CBLN3: variants seen among roughly 807,000 people sequenced by gnomAD.
CBLN3 encodes the protein cerebellin-3.
In CBLN3, 14 loss-of-function variants were observed where a neutral mutation model predicts 17.4. That is an observed-to-expected ratio of 0.81 (90% CI 0.53 to 1.26). The LOEUF (loss-of-function observed/expected upper bound fraction) is 1.26. Among genes scored for constraint, CBLN3 ranks in the 50% most tolerant of loss-of-function variants. The probability of loss-of-function intolerance (pLI) is 0.00; values close to 1 mark genes in which losing one functional copy is unlikely to be tolerated. For missense variants in CBLN3, 263 were observed against 268.5 expected, an observed-to-expected ratio of 0.98 and a Z score of 0.14; for synonymous variants, 129 against 117.4, an observed-to-expected ratio of 1.10 and a Z score of -0.64.
chr14:24,428,581 T>G (rs2043048992), intron 1 of CBLN3, among the ~76,000 whole-genome samples, 174 bp downstream of exon 1: 1 of 145,764 alleles, frequency 6.9e-6, no homozygotes, highest in African/African-American at 2.6e-5. Context: ...GGGCTGCGTA[T>G]GGGTGGAGGG....
At position 24,428,867 on chromosome 14, in the gene CBLN3, G is replaced by T; in HGVS notation, c.188C>A (p.Ala63Asp). The T allele has an allele frequency of 6.2e-7, 1 of 1,609,154 alleles. No individual in the cohort carries two copies. The highest frequency in any genetic ancestry group is 1.1e-5 in the South Asian group (1 of 90,410). Reference protein sequence around the residue: ...RAAAGGPGGAALGEAPPGRVA... With the variant: ...RAAAGGPGGADLGEAPPGRVA... ...TCGCCCAGGGGGTGCCTCTCCCAGG[G>T]CTGCTCCCCCGGGCCCCCCTGCAGC... is the stretch of plus-strand genomic sequence containing the variant. The change falls in exon 1 of 3, where the codon GCC becomes GAC. Residue 63 changes from alanine (A) to aspartate (D), a missense_variant. Ala to Asp is a moderately radical substitution (Grantham distance 126). Coordinates refer to ENST00000267406, the MANE Select transcript of CBLN3 (RefSeq NM_001039771.3).
intron 2 of CBLN3, 119 bp from the exon 3 acceptor site, chr14:24,428,105 G>A: frequency 7.5e-7 from 1 of 1,338,272 alleles, no homozygotes; most frequent in Non-Finnish European, 1.0e-6. Flanking sequence ...GAGGGCTGAG[G>A]GGCGGCCAGC....
Position 24,429,528 on chromosome 14 carries a change from C to T in CBLN3, c.-474G>A. On this transcript the variant is annotated 5_prime_UTR_variant, in exon 1 of 3. Transcript: ENST00000267406. ...AATCCCCCACAAATCAACAGCCCTT[C>T]TTCGTGGCATCTTTCCGTTTGTTGG... 6.6e-6 allele frequency: 3 copies of T among 452,324 alleles called. 1 individual carries two copies. The highest frequency in any genetic ancestry group is 5.1e-5 in the South Asian group (3 of 58,716). 28.0% of individuals were successfully genotyped at this position (452,324 alleles called of 1,614,324 possible).
Position 24,428,949 on chromosome 14 carries a change from AC to A in CBLN3, c.105del (p.Ser36GlnfsTer68). On this transcript the variant is annotated frameshift_variant, in exon 1 of 3. Coordinates refer to ENST00000267406, the MANE Select transcript of CBLN3 (RefSeq NM_001039771.3). LOFTEE classifies it high-confidence loss of function. The part of the protein sequence containing the change: ...LALGAGWAQE[G>X]SEPVLLEGEC... The stretch of plus-strand genomic sequence containing the variant: ...TCCCCCTCCAGCAGGACGGGCTCTG[AC>A]CCCTCCTGGGCCCACCCGGCCCCCA... The A allele has an allele frequency of 6.4e-7, 1 of 1,552,632 alleles. No individual in the cohort carries two copies.
rs1246783822 is a variant in CBLN3, at chr14:24,427,643, C to G, written c.*146G>C. ...GCCACAGCTCTACTCTTCTCTTAAA[C>G]TTGGGTGTTTGGCACAGGGTCCCAT... On this transcript the variant is annotated 3_prime_UTR_variant, in exon 3 of 3. Transcript: ENST00000267406. The surrounding 1 kb of genome is among the most constrained non-coding windows in gnomAD (Gnocchi z 4.4). 6.5e-6 allele frequency: 5 copies of G among 769,482 alleles called. No individual in the cohort carries two copies. Among genetic ancestry groups the G allele is most frequent in the Non-Finnish European group, 1.1e-5 (5 of 453,270 alleles). 47.7% of individuals were successfully genotyped at this position (769,482 alleles called of 1,614,324 possible). A position where few individuals can be genotyped will look rare whatever the true frequency, so the allele number is the denominator to read the frequency against.
intron 1 of CBLN3, 120 bp downstream of exon 1, chr14:24,428,635 G>A: frequency 1.6e-6 from 2 of 1,251,066 alleles, no homozygotes; most frequent in South Asian, 1.4e-5. Flanking sequence ...GGCCAGATTA[G>A]TGAAAGATGT....
rs538980272 is a variant in CBLN3 at position 24,427,522 on chromosome 14, C to T, written c.*267G>A. ...GTGCAGATCTTCCTTCTTGCCAAAC[C>T]TTGCCCTGATCCTAGGGCTGCAGGC... is the stretch of plus-strand genomic sequence containing the variant. On this transcript the variant is annotated 3_prime_UTR_variant, in exon 3 of 3. Coordinates refer to ENST00000267406, the MANE Select transcript of CBLN3 (RefSeq NM_001039771.3). The surrounding 1 kb of genome is among the most constrained non-coding windows in gnomAD (Gnocchi z 4.4). 5.5e-4 allele frequency: 260 copies of T among 470,274 alleles called. No homozygotes were observed. Among genetic ancestry groups the T allele is most frequent in the African/African-American group, 5.1e-3 (244 of 47,920 alleles). The allele number at this position is 470,274 out of a possible 1,614,324, so 29.1% of individuals were successfully genotyped here.
rs891457321 is a variant in CBLN3 at position 24,427,235 on chromosome 14, C to T, written c.*554G>A. 3.8e-5 allele frequency: 6 copies of T among 159,830 alleles called. No homozygotes were observed. The highest frequency in any genetic ancestry group is 8.2e-5 in the Non-Finnish European group (6 of 72,860). 9.9% of individuals were successfully genotyped at this position (159,830 alleles called of 1,614,324 possible). ...ACCCTCCTTCCTTCCTCACCAGCCA[C>T]AGACTCCAGGCCCTTCCCACCCTTC... On this transcript the variant is annotated 3_prime_UTR_variant, in exon 3 of 3. Transcript: ENST00000267406. The surrounding 1 kb of genome is among the most constrained non-coding windows in gnomAD (Gnocchi z 4.4).
In CBLN3 at chr14:24,427,685, G is replaced by A. The variant is rs189882134; in HGVS notation, c.*104C>T. On this transcript the variant is annotated 3_prime_UTR_variant, in exon 3 of 3. Coordinates refer to ENST00000267406, the MANE Select transcript of CBLN3 (RefSeq NM_001039771.3). The surrounding 1 kb of genome is among the most constrained non-coding windows in gnomAD (Gnocchi z 4.4). ...GGGTCCCATGCAAAGAGGTGGGATA[G>A]GAGCCAGAGGGAGTCTCTCTCCTGC... 123 of 1,036,276 alleles carry A rather than the reference G, an allele frequency of 1.2e-4. No individual in the cohort carries two copies. The highest frequency in any genetic ancestry group is 4.3e-4 in the Admixed American group (23 of 53,824). 64.2% of individuals were successfully genotyped at this position (1,036,276 alleles called of 1,614,324 possible).
Position 24,429,666 on chromosome 14 carries a change from C to CACGCT in CBLN3, c.-613_-612insAGCGT. 9.0e-7 allele frequency: 1 copy of CACGCT among 1,115,994 alleles called. No individual in the cohort carries two copies. The highest frequency in any genetic ancestry group is 1.1e-6 in the Non-Finnish European group (1 of 903,084). 69.1% of individuals were successfully genotyped at this position (1,115,994 alleles called of 1,614,324 possible). A position where few individuals can be genotyped will look rare whatever the true frequency, so the allele number is the denominator to read the frequency against. On this transcript the variant is annotated 5_prime_UTR_variant, in exon 1 of 3. Transcript: ENST00000267406. The stretch of plus-strand genomic sequence containing the variant: ...GGGCCTAGAGCACCAGTGGGCCAGT[C>CACGCT]ACGCTGCCTCTTTGGTCGGCCACAT...
chr14:24,427,540 C>A lies in CBLN3; in HGVS notation c.*249G>T. ...GCCAAACCTTGCCCTGATCCTAGGG[C>A]TGCAGGCAGGAACAGATGCAGCAGG... On this transcript the variant is annotated 3_prime_UTR_variant, in exon 3 of 3. Transcript: ENST00000267406. This position sits in a 1 kb window ranked among gnomAD's most constrained non-coding sequence, Gnocchi z 4.4. 2 of 493,810 alleles carry A rather than the reference C, an allele frequency of 4.1e-6. No homozygotes were observed. The highest frequency in any genetic ancestry group is 3.5e-6 in the Non-Finnish European group (1 of 283,278). 30.6% of individuals were successfully genotyped at this position (493,810 alleles called of 1,614,324 possible).
Position 24,429,604 on chromosome 14 carries a change from AC to A in CBLN3, c.-551del. On this transcript the variant is annotated 5_prime_UTR_variant, in exon 1 of 3. Transcript: ENST00000267406. The stretch of plus-strand genomic sequence containing the variant: ...ACCCTCCGCCTCCCGCCTCCCGCCT[AC>A]CCCCTCCGCCACGATTGCTTTGGTG... The A allele has an allele frequency of 1.1e-6, 1 of 922,290 alleles. No individual in the cohort carries two copies. Among genetic ancestry groups the A allele is most frequent in the Non-Finnish European group, 1.4e-6 (1 of 704,484 alleles). 57.1% of individuals were successfully genotyped at this position (922,290 alleles called of 1,614,324 possible).
rs1243975021 is a variant in CBLN3 at position 24,426,801 on chromosome 14, G to GA, written c.*987dup. Reference sequence around the variant, plus strand: ...TGAATCATGGAATCCCAGGTAATAGGAAGCCTAAGGAGGAGAATAAGACAG... The same window carrying GA: ...TGAATCATGGAATCCCAGGTAATAGGAAAGCCTAAGGAGGAGAATAAGACAG... On this transcript the variant is annotated 3_prime_UTR_variant, in exon 3 of 3. Coordinates refer to ENST00000267406, the MANE Select transcript of CBLN3 (RefSeq NM_001039771.3). The GA allele has an allele frequency of 6.6e-6, 1 of 152,294 alleles. No individual in the cohort carries two copies. The highest frequency in any genetic ancestry group is 2.4e-5 in the African/African-American group (1 of 41,430). 9.4% of individuals were successfully genotyped at this position (152,294 alleles called of 1,614,324 possible).
At position 24,427,874 on chromosome 14, in the gene CBLN3, C is replaced by T. The variant is rs781723932; in HGVS notation, c.533G>A (p.Arg178Gln). The T allele has an allele frequency of 8.5e-5, 137 of 1,613,994 alleles. No homozygotes were observed. The highest frequency in any genetic ancestry group is 7.8e-5 in the Non-Finnish European group (92 of 1,180,016). Residue 178 changes from arginine (R) to glutamine (Q), a missense_variant, in exon 3 of 3, where the codon CGA (arginine) becomes CAA (glutamine). Transcript: ENST00000267406. This position sits in a 1 kb window ranked among gnomAD's most constrained non-coding sequence, Gnocchi z 4.4. ...CCCCCGACGCAGGCGCAGAGACACT[C>T]GGTCCCCAGGGTCCAAGGGCAGTAG... Reference protein sequence around the residue: ...SVLLPLDPGDRVSLRLRRGNL... With the variant: ...SVLLPLDPGDQVSLRLRRGNL...
rs779417158 is a variant in CBLN3 at position 24,428,873 on chromosome 14, C to T, written c.182G>A (p.Gly61Glu). 42 of 1,603,600 alleles carry T rather than the reference C, an allele frequency of 2.6e-5. No individual in the cohort carries two copies. The Middle Eastern group carries it at 5.0e-4, about 19-fold the overall frequency. Residue 61 changes from glycine to glutamate, a missense_variant, in exon 1 of 3, where the codon GGA becomes GAA. Physicochemically the swap from Gly to Glu is moderately conservative, Grantham distance 98 (BLOSUM62 -2). Coordinates refer to ENST00000267406, the MANE Select transcript of CBLN3 (RefSeq NM_001039771.3). ...PGRAAAGGPG[G>E]AALGEAPPGR... ...AGGGGGTGCCTCTCCCAGGGCTGCT[C>T]CCCCGGGCCCCCCTGCAGCAGCTCG...
chr14:24,429,600 G>GC lies in CBLN3; in HGVS notation c.-547dup. 3 of 887,766 alleles carry GC rather than the reference G, an allele frequency of 3.4e-6. No individual in the cohort carries two copies. In the South Asian group the frequency reaches 5.0e-5, roughly 15 times the overall value. The allele number at this position is 887,766 out of a possible 1,614,324, so 55.0% of individuals were successfully genotyped here. A position where few individuals can be genotyped will look rare whatever the true frequency, so the allele number is the denominator to read the frequency against. ...GGGTACCCTCCGCCTCCCGCCTCCC[G>GC]CCTACCCCCTCCGCCACGATTGCTT... is the stretch of plus-strand genomic sequence containing the variant. On this transcript the variant is annotated 5_prime_UTR_variant, in exon 1 of 3. Coordinates refer to ENST00000267406, the MANE Select transcript of CBLN3 (RefSeq NM_001039771.3).
chr14:24,427,715 G>T lies in CBLN3; in HGVS notation c.*74C>A. ...CAGAGGGAGTCTCTCTCCTGCCTCT[G>T]CTGTTTCTGGGGCAAGAGAGGGCAG... On this transcript the variant is annotated 3_prime_UTR_variant, in exon 3 of 3. Coordinates refer to ENST00000267406, the MANE Select transcript of CBLN3 (RefSeq NM_001039771.3). This position sits in a 1 kb window ranked among gnomAD's most constrained non-coding sequence, Gnocchi z 4.4. 2 of 1,387,146 alleles carry T rather than the reference G, an allele frequency of 1.4e-6. No homozygotes were observed. The highest frequency in any genetic ancestry group is 2.0e-6 in the Non-Finnish European group (2 of 981,000). 85.9% of individuals were successfully genotyped at this position (1,387,146 alleles called of 1,614,324 possible).
In CBLN3 at chr14:24,428,735, G is replaced by A. The variant is rs117443441; in HGVS notation, c.300+20C>T. The A allele has an allele frequency of 6.2e-4, 968 of 1,554,166 alleles. 8 individuals are homozygous for A. The East Asian group carries it at 0.019, about 30-fold the overall frequency. On this transcript the variant is annotated intron_variant, in intron 1 of 2. Transcript: ENST00000267406. ...TTGCAGGGTCTTTCCAGGTCCCCTG[G>A]ACAGGGGTAGGGGGATTACCTGGTC...
chr14:24,428,156 C>A, intron 2 of CBLN3, 130 bp downstream of exon 2: 1 of 1,375,454 alleles, frequency 7.3e-7, no homozygotes, highest in South Asian at 1.3e-5. Flanking sequence ...GCAAGGCAGG[C>A]CCATTCCTCC....
Sources: gnomAD v4.1 joint callset for allele counts (sites outside exome capture counted in the v4.1 genomes callset) on GRCh38, gnomAD v4.1.1 for gene constraint, Gnocchi (gnomAD v3.1) non-coding constraint, MANE v1.5 for transcripts, NCBI Gene and HGNC (gene_info 2026-07-23, HGNC 2026-07-21) for gene names.